TMEM154: variants seen among roughly 807,000 people sequenced by gnomAD.
TMEM154 encodes the protein transmembrane protein 154.
A neutral mutation model predicts 24.5 loss-of-function variants in TMEM154; 27 were observed. The observed-to-expected ratio is 1.10, with a 90% confidence interval of 0.81 to 1.52. TMEM154 has a LOEUF of 1.52. Among genes scored for constraint, TMEM154 ranks in the 40% most tolerant of loss-of-function variants. The pLI is 0.00. For missense variants in TMEM154, 228 were observed against 213.4 expected (o/e 1.07, Z -0.43); for synonymous variants, 67 against 76.8 (o/e 0.87, Z 0.67).
chr4:152,679,113 T>A lies in TMEM154; in HGVS notation c.64+757A>T, dbSNP rs77351814. ...CAGCTGAAGGTGCTTGTGCTTGTTG[T>A]AGCAACTGGCAAGGGTGTAAATCAG... is the stretch of plus-strand genomic sequence containing the variant. On this transcript the variant is annotated intron_variant, in intron 1 of 6. Coordinates refer to ENST00000304385, the MANE Select transcript of TMEM154 (RefSeq NM_152680.3). 8.5e-4 allele frequency among the ~76,000 whole-genome samples: 129 copies of A among 152,378 alleles called. No homozygotes were observed. In the East Asian group the frequency reaches 0.021, roughly 25 times the overall value.
intron 4 of TMEM154, 152 bp downstream of exon 4, chr4:152,644,263 C>T: frequency 1.3e-6 from 1 of 782,624 alleles, no homozygotes; most frequent in Non-Finnish European, 2.2e-6. Flanking sequence ...GCCAGCACAT[C>T]CTCCCTCAGG....
rs190446911 is a variant in TMEM154 at position 152,652,710 on chromosome 4, C to T, written c.282G>A (p.Val94=). Residue 94 remains valine (V), a synonymous_variant, in exon 2 of 7, where the codon GTG becomes GTA. Coordinates refer to ENST00000304385, the MANE Select transcript of TMEM154 (RefSeq NM_152680.3). ...TTTTATAGTATGTTGCAAGGAATAC[C>T]ACGGATAAAAGTAAGAGGACCAATA... ...LILLVLLLLS[V]VFLATYYKRK... is the part of the protein sequence containing the mutation. 31 of 1,613,748 alleles carry T rather than the reference C, an allele frequency of 1.9e-5. No homozygotes were observed. The African/African-American group carries it at 3.7e-4, about 19-fold the overall frequency.
At chr4:152,644,660 G>T (rs1752321559) in intron 3 of TMEM154, among the ~76,000 whole-genome samples, 1 of 152,140 alleles carries the variant, frequency 6.6e-6, no homozygotes. Context: ...AGATGTGGAT[G>T]GTCTGCTGAG....
chr4:152,679,863 G>GGCTT lies in TMEM154; in HGVS notation c.64+3_64+6dup. ...CTTCCCAGGAGTAGGAAGTGGAGGC[G>GGCTT]GCTTACCCCGGCCGACGGGAACGAG... On this transcript the variant is annotated splice_region_variant and intron_variant, in intron 1 of 6. Coordinates refer to ENST00000304385, the MANE Select transcript of TMEM154 (RefSeq NM_152680.3). 6.2e-7 allele frequency: 1 copy of GGCTT among 1,605,718 alleles called. No individual in the cohort carries two copies. The highest frequency in any genetic ancestry group is 8.5e-7 in the Non-Finnish European group (1 of 1,176,972).
At chr4:152,639,479 A>G (rs1007542801) in intron 6 of TMEM154, among the ~76,000 whole-genome samples, 56 of 152,130 alleles carry the variant, frequency 3.7e-4, no homozygotes, top group African/African-American at 1.4e-3. Flanking sequence ...ATAGTTACAT[A>G]TTTCCAGGTA....
At chr4:152,628,782 A>T (rs180927790) in intron 6 of TMEM154, among the ~76,000 whole-genome samples, 2 of 149,434 alleles carry the variant, frequency 1.3e-5, no homozygotes, top group Non-Finnish European at 3.0e-5. Context: ...GACTACAGGC[A>T]CCCACCACCA....
chr4:152,638,188 C>T (rs1561045794), intron 6 of TMEM154, among the ~76,000 whole-genome samples: 1 of 152,186 alleles, frequency 6.6e-6, no homozygotes, highest in African/African-American at 2.4e-5. Context: ...ATCATTTAGG[C>T]CCAGGAGGTT....
chr4:152,639,531 CT>C (rs909795931), intron 6 of TMEM154, among the ~76,000 whole-genome samples: 11 of 152,076 alleles, frequency 7.2e-5, no homozygotes, highest in African/African-American at 1.4e-4. Flanking sequence ...AATATTCCCC[CT>C]GGCATTGTTG....
rs1296361579 is a variant in TMEM154 at position 152,620,220 on chromosome 4, C to G, written c.*8326G>C. Reference sequence around the variant, plus strand: ...CCCTGGACATGCCTCTCCACTGCAACCTTAAAGAGGATCATATGCTGTTTA... The same window carrying G: ...CCCTGGACATGCCTCTCCACTGCAAGCTTAAAGAGGATCATATGCTGTTTA... On this transcript the variant is annotated 3_prime_UTR_variant, in exon 7 of 7. Transcript: ENST00000304385. 6.6e-6 allele frequency: 1 copy of G among 152,184 alleles called. No homozygotes were observed. The highest frequency in any genetic ancestry group is 1.5e-5 in the Non-Finnish European group (1 of 68,040). 9.4% of individuals were successfully genotyped at this position (152,184 alleles called of 1,614,324 possible). A position where few individuals can be genotyped will look rare whatever the true frequency, so the allele number is the denominator to read the frequency against.
intron 1 of TMEM154, among the ~76,000 whole-genome samples, chr4:152,667,605 T>C (rs1728745694): frequency 6.6e-6 from 1 of 152,252 alleles, no homozygotes; most frequent in Non-Finnish European, 1.5e-5. Flanking sequence ...ATATGTTTTT[T>C]CTGACTAATT....
chr4:152,650,257 G>T (rs986320100), intron 3 of TMEM154, among the ~76,000 whole-genome samples: 1 of 151,976 alleles, frequency 6.6e-6, no homozygotes, highest in African/African-American at 2.4e-5. Flanking sequence ...AATTGGAGAC[G>T]ATTCTCACAA....
Position 152,622,237 on chromosome 4 carries a change from G to A in TMEM154, c.*6309C>T, listed in dbSNP as rs576658134. ...ATGTGTAATAATATATTTTAGATAT[G>A]CAGAAAGTCTACTTAATTTTTAGGT... On this transcript the variant is annotated 3_prime_UTR_variant, in exon 7 of 7. Coordinates refer to ENST00000304385, the MANE Select transcript of TMEM154 (RefSeq NM_152680.3). The A allele has an allele frequency of 7.6e-4, 116 of 152,312 alleles. No individual in the cohort carries two copies. Among genetic ancestry groups the A allele is most frequent in the African/African-American group, 2.7e-3 (111 of 41,564 alleles). The allele number at this position is 152,312 out of a possible 1,614,324, so 9.4% of individuals were successfully genotyped here.
rs146347578 is a variant in TMEM154 at position 152,625,374 on chromosome 4, C to G, written c.*3172G>C. 685 of 154,076 alleles carry G rather than the reference C, an allele frequency of 4.4e-3. 6 individuals carry two copies. The highest frequency in any genetic ancestry group is 7.9e-3 in the Non-Finnish European group (548 of 68,948). 9.5% of individuals were successfully genotyped at this position (154,076 alleles called of 1,614,324 possible). A position where few individuals can be genotyped will look rare whatever the true frequency, so the allele number is the denominator to read the frequency against. On this transcript the variant is annotated 3_prime_UTR_variant, in exon 7 of 7. Coordinates refer to ENST00000304385, the MANE Select transcript of TMEM154 (RefSeq NM_152680.3). ...TGCCCAGATATGTTACATAAAACAT[C>G]CAGATATTACAGTGAAAGTCAGTGT... is the stretch of plus-strand genomic sequence containing the variant.
chr4:152,625,323 AG>A lies in TMEM154; in HGVS notation c.*3222del. The A allele has an allele frequency of 6.3e-6, 1 of 159,164 alleles. No homozygotes were observed. The highest frequency in any genetic ancestry group is 1.4e-5 in the Non-Finnish European group (1 of 71,642). 9.9% of individuals were successfully genotyped at this position (159,164 alleles called of 1,614,324 possible). A position where few individuals can be genotyped will look rare whatever the true frequency, so the allele number is the denominator to read the frequency against. On this transcript the variant is annotated 3_prime_UTR_variant, in exon 7 of 7. Transcript: ENST00000304385. ...TGGAACTTGGAAGGCCTACACCACG[AG>A]GGCCAATTCTGCCATAAGCCCTATT...
intron 1 of TMEM154, among the ~76,000 whole-genome samples, chr4:152,664,637 A>G (rs1728681045): frequency 6.6e-6 from 1 of 152,234 alleles, no homozygotes; most frequent in Non-Finnish European, 1.5e-5. Context: ...AAAGACTGTC[A>G]CATTAGTAAT....
chr4:152,628,626 A>G, intron 6 of TMEM154, 65 bp from the exon 7 acceptor site: 3 of 1,231,424 alleles, frequency 2.4e-6, no homozygotes, highest in Non-Finnish European at 3.1e-6. Flanking sequence ...CAAAACAGTA[A>G]TATATTTCTT....
intron 3 of TMEM154, 81 bp from the exon 4 acceptor site, chr4:152,644,523 C>T (rs961743298): frequency 1.2e-4 from 162 of 1,390,564 alleles, no homozygotes; most frequent in Non-Finnish European, 1.6e-4. Context: ...CTGAAGTCTC[C>T]TTTACAAAGA....
chr4:152,663,427 A>G (rs1728655557), intron 1 of TMEM154, among the ~76,000 whole-genome samples: 1 of 152,258 alleles, frequency 6.6e-6, no homozygotes, highest in East Asian at 1.9e-4. Context: ...AAGAATAGAA[A>G]AGAAGAAATA....
intron 4 of TMEM154, among the ~76,000 whole-genome samples, chr4:152,644,133 C>T (rs1752308999): frequency 6.6e-6 from 1 of 152,204 alleles, no homozygotes; most frequent in Non-Finnish European, 1.5e-5. Context: ...TATTTAACTG[C>T]TATGCACTTG....
Sources: gnomAD v4.1 joint callset for allele counts (sites outside exome capture counted in the v4.1 genomes callset) on GRCh38, gnomAD v4.1.1 for gene constraint, MANE v1.5 for transcripts, NCBI Gene and HGNC (gene_info 2026-07-23, HGNC 2026-07-21) for gene names.